The following LRRC4C variants were observed in gnomAD, a reference collection of about 807,000 sequenced individuals.
LRRC4C encodes the protein leucine-rich repeat-containing protein 4C.
Under a neutral mutation model 33.6 loss-of-function variants are expected in LRRC4C, and 5 were observed. The ratio of observed to expected loss-of-function variants is 0.15; its 90% CI spans 0.08 to 0.31. The LOEUF (loss-of-function observed/expected upper bound fraction) is 0.31, where lower values mean the gene tolerates loss of function less well. LRRC4C is among the 10% of genes least tolerant of loss of function. LRRC4C has a pLI of 1.00. For synonymous variants in LRRC4C, 329 were observed against 302.0 expected, an observed-to-expected ratio of 1.09 and a Z score of -0.93; for missense variants, 560 against 796.7, an observed-to-expected ratio of 0.70 and a Z score of 3.58.
At chr11:40,163,276 C>T (rs1404128886) in intron 5 of LRRC4C, among the ~76,000 whole-genome samples, 2 of 152,182 alleles carry the variant, frequency 1.3e-5, no homozygotes, top group African/African-American at 2.4e-5. Flanking sequence ...AAGATAGTTT[C>T]ACATTATCTT....
At chr11:41,381,618 C>A (rs1317830231) in intron 1 of LRRC4C, among the ~76,000 whole-genome samples, 1 of 103,944 alleles carries the variant, frequency 9.6e-6, no homozygotes, top group Non-Finnish European at 1.9e-5. Context: ...CAGAGCAAGA[C>A]TCTGCTTCAA....
At chr11:40,929,260 T>A (rs1015882375) in intron 2 of LRRC4C, among the ~76,000 whole-genome samples, 3 of 152,196 alleles carry the variant, frequency 2.0e-5, no homozygotes, top group African/African-American at 7.2e-5. Flanking sequence ...ATTAATCCCA[T>A]ACTTCTTTAA....
rs78184475 is a variant in LRRC4C, at chr11:40,320,555, A to G, written c.-269-834T>C. ...ATAGAAAATATACACTGTAATTTAC[A>G]TATTCCTCAGTTTGATATAGCATCA... On this transcript the variant is annotated intron_variant, in intron 3 of 6. Coordinates refer to ENST00000528697, the MANE Select transcript of LRRC4C (RefSeq NM_001258419.2). Among the ~76,000 whole-genome samples the G allele has an allele frequency of 1.1e-3, 172 of 152,304 alleles. 6 individuals carry two copies. In the East Asian group the frequency reaches 0.028, roughly 25 times the overall value.
At chr11:41,409,689 A>G (rs1268610578) in intron 1 of LRRC4C, among the ~76,000 whole-genome samples, 1 of 152,220 alleles carries the variant, frequency 6.6e-6, no homozygotes, top group Non-Finnish European at 1.5e-5. Flanking sequence ...ACCAAGAAAA[A>G]GAAGCACTCC....
At chr11:41,088,560 G>A (rs2135530907) in intron 1 of LRRC4C, among the ~76,000 whole-genome samples, 1 of 152,188 alleles carries the variant, frequency 6.6e-6, no homozygotes, top group East Asian at 1.9e-4. Flanking sequence ...ATTTGAAAAT[G>A]TTGAGGCAGT....
At chr11:41,316,945 C>A (rs1950814757) in intron 1 of LRRC4C, among the ~76,000 whole-genome samples, 1 of 152,192 alleles carries the variant, frequency 6.6e-6, no homozygotes, top group East Asian at 1.9e-4. Flanking sequence ...TCACTGACTC[C>A]TGTTGTGTGA....
intron 2 of LRRC4C, among the ~76,000 whole-genome samples, chr11:40,881,127 C>T (rs1179055848): frequency 6.6e-6 from 1 of 151,992 alleles, no homozygotes; most frequent in African/African-American, 2.4e-5. Context: ...ACTGTCACCT[C>T]TTGATACAAA....
intron 2 of LRRC4C, among the ~76,000 whole-genome samples, chr11:40,831,815 C>T (rs1196822949): frequency 6.6e-6 from 1 of 151,988 alleles, no homozygotes; most frequent in East Asian, 1.9e-4. Flanking sequence ...ATCACAAGAA[C>T]AGCATGGGAG....
At chr11:40,779,675 A>G (rs1207263624) in intron 2 of LRRC4C, among the ~76,000 whole-genome samples, 1 of 152,188 alleles carries the variant, frequency 6.6e-6, no homozygotes, top group Non-Finnish European at 1.5e-5. Context: ...GAGTTCCCTT[A>G]TAATTAAAGT....
At chr11:40,492,072 G>A (rs935145464) in intron 3 of LRRC4C, among the ~76,000 whole-genome samples, 1 of 152,196 alleles carries the variant, frequency 6.6e-6, no homozygotes, top group Non-Finnish European at 1.5e-5. Context: ...CTTCTTTAAA[G>A]AGATGGCACT....
At chr11:40,437,137 T>C (rs1951175465) in intron 3 of LRRC4C, among the ~76,000 whole-genome samples, 1 of 152,200 alleles carries the variant, frequency 6.6e-6, no homozygotes, top group Non-Finnish European at 1.5e-5. Context: ...TCCTAATTAA[T>C]AATGGAAGCG....
intron 1 of LRRC4C, among the ~76,000 whole-genome samples, chr11:41,365,578 G>A (rs543837368): frequency 5.9e-5 from 9 of 152,014 alleles, no homozygotes; most frequent in Non-Finnish European, 1.2e-4. Flanking sequence ...ATATGAAATA[G>A]CATTTTATAA....
chr11:40,885,886 A>G (rs544400089), intron 2 of LRRC4C, among the ~76,000 whole-genome samples: 1 of 152,230 alleles, frequency 6.6e-6, no homozygotes, highest in African/African-American at 2.4e-5. Flanking sequence ...AAGGGCCTCA[A>G]TGCTCTAAGG....
At chr11:40,900,922 A>G (rs989917812) in intron 2 of LRRC4C, among the ~76,000 whole-genome samples, 14 of 152,028 alleles carry the variant, frequency 9.2e-5, no homozygotes, top group African/African-American at 3.4e-4. Flanking sequence ...AGAACTAGAA[A>G]GTTATCTGTC....
At chr11:40,811,765 G>A (rs1446808306) in intron 2 of LRRC4C, among the ~76,000 whole-genome samples, 1 of 152,108 alleles carries the variant, frequency 6.6e-6, no homozygotes, top group Non-Finnish European at 1.5e-5. Flanking sequence ...CAAAGTGCTG[G>A]GATTACAGGC....
At chr11:40,740,667 T>A (rs2136901045) in intron 2 of LRRC4C, among the ~76,000 whole-genome samples, 1 of 152,194 alleles carries the variant, frequency 6.6e-6, no homozygotes, top group African/African-American at 2.4e-5. Context: ...TTTTTGCTTT[T>A]GTTTTCTGTG....
At chr11:40,483,667 A>G (rs1325137799) in intron 3 of LRRC4C, among the ~76,000 whole-genome samples, 1 of 152,080 alleles carries the variant, frequency 6.6e-6, no homozygotes, top group Non-Finnish European at 1.5e-5. Flanking sequence ...GCACATAGAC[A>G]CTGAAGATAG....
At chr11:40,891,058 T>C (rs1440674371) in intron 2 of LRRC4C, among the ~76,000 whole-genome samples, 6 of 151,928 alleles carry the variant, frequency 3.9e-5, no homozygotes, top group Non-Finnish European at 8.8e-5. Flanking sequence ...TCCTGGCCAA[T>C]GTCTCTACTA....
At chr11:41,408,703 T>G in intron 1 of LRRC4C, among the ~76,000 whole-genome samples, 1 of 148,750 alleles carries the variant, frequency 6.7e-6, no homozygotes, top group East Asian at 1.9e-4. Context: ...TGCTTTAGAT[T>G]ATTTTAGTTC....
Sources: gnomAD v4.1 joint callset for allele counts (sites outside exome capture counted in the v4.1 genomes callset) on GRCh38, gnomAD v4.1.1 for gene constraint, MANE v1.5 for transcripts, NCBI Gene and HGNC (gene_info 2026-07-23, HGNC 2026-07-21) for gene names.